Variants in PTPRM observed in about 807,000 individuals in gnomAD.
PTPRM encodes the protein protein tyrosine phosphatase receptor type M, also known as receptor-type tyrosine-protein phosphatase mu.
Under a neutral mutation model 186.7 loss-of-function variants are expected in PTPRM, and 47 were observed. The observed-to-expected ratio is 0.25, with a 90% CI of 0.20 to 0.32. The LOEUF is 0.32. Ranked by LOEUF, PTPRM falls within the 10% of genes least tolerant of loss-of-function variation. PTPRM has a pLI of 1.00. For synonymous variants in PTPRM, 668 were observed against 674.9 expected, an observed-to-expected ratio of 0.99 and a Z score of 0.16; for missense variants, 1,494 against 1,865.0, an observed-to-expected ratio of 0.80 and a Z score of 3.66.
At chr18:8,116,745 G>A (rs558006880) in intron 13 of PTPRM, among the ~76,000 whole-genome samples, 197 of 152,246 alleles carry the variant, frequency 1.3e-3, no homozygotes, top group Non-Finnish European at 1.6e-3. Flanking sequence ...ATAGTGATTT[G>A]GATCATTTTC....
intron 5 of PTPRM, among the ~76,000 whole-genome samples, chr18:7,930,767 C>G (rs1272199303): frequency 6.6e-6 from 1 of 151,964 alleles, no homozygotes; most frequent in Non-Finnish European, 1.5e-5. Flanking sequence ...GTGAAAATGG[C>G]CAAGGTTTTG....
At chr18:7,733,338 T>G (rs991964198) in intron 1 of PTPRM, among the ~76,000 whole-genome samples, 11 of 152,116 alleles carry the variant, frequency 7.2e-5, no homozygotes, top group African/African-American at 2.7e-4. Context: ...ACATGTGGTG[T>G]TTGGTTTTCT....
intron 2 of PTPRM, among the ~76,000 whole-genome samples, chr18:7,830,725 T>G (rs1023460501): frequency 6.6e-6 from 1 of 152,154 alleles, no homozygotes; most frequent in Non-Finnish European, 1.5e-5. Context: ...CTGCCAATCA[T>G]CCTGTCTAAA....
chr18:8,321,216 C>T (rs1233495890), intron 22 of PTPRM, among the ~76,000 whole-genome samples: 5 of 152,132 alleles, frequency 3.3e-5, no homozygotes, highest in African/African-American at 1.2e-4. Flanking sequence ...CCAAAATACT[C>T]CCGAGCTTCA....
At chr18:8,005,326 C>G (rs1212477848) in intron 7 of PTPRM, among the ~76,000 whole-genome samples, 2 of 152,192 alleles carry the variant, frequency 1.3e-5, no homozygotes, top group Non-Finnish European at 2.9e-5. Flanking sequence ...CATATTACCT[C>G]TTGTCTTTAT....
intron 7 of PTPRM, among the ~76,000 whole-genome samples, chr18:7,965,689 G>A (rs552274907): frequency 3.3e-4 from 50 of 152,270 alleles, no homozygotes; most frequent in Non-Finnish European, 5.7e-4. Flanking sequence ...TGACTTACCA[G>A]GTATGTTATG....
intron 3 of PTPRM, among the ~76,000 whole-genome samples, chr18:7,899,493 G>A (rs1467009456): frequency 6.6e-6 from 1 of 152,120 alleles, no homozygotes; most frequent in Non-Finnish European, 1.5e-5. Context: ...TCTGTGTTGT[G>A]ACAAAATTAT....
At chr18:7,884,732 G>A (rs2048683058) in intron 2 of PTPRM, among the ~76,000 whole-genome samples, 1 of 151,942 alleles carries the variant, frequency 6.6e-6, no homozygotes, top group Non-Finnish European at 1.5e-5. Context: ...AGACCAGCCT[G>A]ACCAACATGG....
At chr18:7,787,312 G>T (rs2043138428) in intron 2 of PTPRM, among the ~76,000 whole-genome samples, 1 of 152,190 alleles carries the variant, frequency 6.6e-6, no homozygotes, top group African/African-American at 2.4e-5. Flanking sequence ...AAAAATGCTG[G>T]GAAGAGATGA....
intron 1 of PTPRM, among the ~76,000 whole-genome samples, chr18:7,764,910 A>T (rs546825398): frequency 3.3e-5 from 5 of 152,258 alleles, no homozygotes; most frequent in African/African-American, 1.2e-4. Context: ...CGTTTTCACT[A>T]TTGTGGTATA....
intron 7 of PTPRM, among the ~76,000 whole-genome samples, chr18:8,023,079 A>G (rs1001256617): frequency 1.3e-5 from 2 of 149,276 alleles, no homozygotes; most frequent in African/African-American, 4.9e-5. Flanking sequence ...TAGCCCTCTA[A>G]TATAGGAATG....
At chr18:8,316,550 C>T (rs1356104546) in intron 21 of PTPRM, among the ~76,000 whole-genome samples, 1 of 152,068 alleles carries the variant, frequency 6.6e-6, no homozygotes, top group Non-Finnish European at 1.5e-5. Flanking sequence ...TTCTCTTAGT[C>T]AATAGATCTT....
chr18:8,343,737 C>G (rs2095488086), intron 23 of PTPRM, among the ~76,000 whole-genome samples: 1 of 152,212 alleles, frequency 6.6e-6, no homozygotes, highest in East Asian at 1.9e-4. Flanking sequence ...AGGAAAGGCA[C>G]TCAAGATTTA....
intron 1 of PTPRM, among the ~76,000 whole-genome samples, chr18:7,689,843 C>T (rs2039695347): frequency 6.6e-6 from 1 of 152,130 alleles, no homozygotes; most frequent in South Asian, 2.1e-4. Flanking sequence ...TGGTGGTTTA[C>T]ACTCAGTGTT....
At chr18:8,154,470 C>T (rs182792757) in intron 14 of PTPRM, 32 of 152,266 alleles carry the variant, frequency 2.1e-4, no homozygotes, top group African/African-American at 7.7e-4. Flanking sequence ...GAAGTCTGTC[C>T]TACAGAGGAT....
At chr18:7,821,091 A>G (rs2045165515) in intron 2 of PTPRM, among the ~76,000 whole-genome samples, 1 of 152,084 alleles carries the variant, frequency 6.6e-6, no homozygotes, top group South Asian at 2.1e-4. Flanking sequence ...CCTCCTAGGA[A>G]TGGTCTCAGT....
At chr18:7,628,670 A>C (rs143304386) in intron 1 of PTPRM, among the ~76,000 whole-genome samples, 1 of 152,042 alleles carries the variant, frequency 6.6e-6, no homozygotes, top group Non-Finnish European at 1.5e-5. Context: ...AGTTTTGTCC[A>C]TGACTGTTAA....
chr18:7,661,023 C>T (rs148954744), intron 1 of PTPRM, among the ~76,000 whole-genome samples: 6 of 152,152 alleles, frequency 3.9e-5, no homozygotes, highest in African/African-American at 1.4e-4. Flanking sequence ...CATTTTCTAA[C>T]ATGACAATGT....
chr18:7,640,224 A>G (rs1381192429), intron 1 of PTPRM, among the ~76,000 whole-genome samples: 1 of 152,178 alleles, frequency 6.6e-6, no homozygotes, highest in Non-Finnish European at 1.5e-5. Context: ...CTCCTGTTTC[A>G]GTACAGGTAG....
Sources: gnomAD v4.1 joint callset for allele counts (sites outside exome capture counted in the v4.1 genomes callset) on GRCh38, gnomAD v4.1.1 for gene constraint, MANE v1.5 for transcripts, NCBI Gene and HGNC (gene_info 2026-07-23, HGNC 2026-07-21) for gene names.